Variants in MAP3K7CL observed in about 807,000 individuals in gnomAD.
MAP3K7CL encodes the protein MAP3K7 C-terminal like.
Under a neutral mutation model 18.6 loss-of-function variants are expected in MAP3K7CL, and 16 were observed. That is an observed-to-expected ratio of 0.86 (90% CI 0.58 to 1.31). The LOEUF is 1.31. Among genes scored for constraint, MAP3K7CL ranks in the 50% most tolerant of loss-of-function variants. MAP3K7CL has a pLI of 0.00. For synonymous variants in MAP3K7CL, 65 were observed against 66.8 expected, an observed-to-expected ratio of 0.97 and a Z score of 0.13; for missense variants, 163 against 174.4, an observed-to-expected ratio of 0.93 and a Z score of 0.37.
At chr21:29,144,979 A>G (rs2087094567) in intron 2 of MAP3K7CL, among the ~76,000 whole-genome samples, 1 of 152,192 alleles carries the variant, frequency 6.6e-6, no homozygotes, top group African/African-American at 2.4e-5. Context: ...GTCACATTGT[A>G]TTTGCCAAAC....
intron 2 of MAP3K7CL, among the ~76,000 whole-genome samples, chr21:29,141,744 T>C (rs1378042602): frequency 2.0e-5 from 3 of 152,174 alleles, no homozygotes; most frequent in Non-Finnish European, 4.4e-5. Flanking sequence ...TCTATAGCTA[T>C]ACTTGTAATC....
chr21:29,093,601 C>T (rs550203330), intron 4 of MAP3K7CL, among the ~76,000 whole-genome samples: 4 of 152,136 alleles, frequency 2.6e-5, no homozygotes. Context: ...CCTGCCTCAG[C>T]CTCCCGAGTA....
chr21:29,130,477 G>A (rs186036423), upstream of MAP3K7CL: 25 of 473,832 alleles, frequency 5.3e-5, no homozygotes, highest in African/African-American at 4.4e-4. Flanking sequence ...CACAGACACC[G>A]ATTGGGTCAC....
intron 4 of MAP3K7CL, among the ~76,000 whole-genome samples, chr21:29,167,446 G>A (rs759795305): frequency 6.6e-6 from 1 of 152,158 alleles, no homozygotes; most frequent in Non-Finnish European, 1.5e-5. Flanking sequence ...GGGTGCATAT[G>A]TAATTTGCAA....
chr21:29,103,744 A>G (rs2086273441), intron 4 of MAP3K7CL, among the ~76,000 whole-genome samples: 1 of 149,612 alleles, frequency 6.7e-6, no homozygotes, highest in Non-Finnish European at 1.5e-5. Flanking sequence ...CAAAAAAAAA[A>G]AAAATTAGCC....
intron 3 of MAP3K7CL, among the ~76,000 whole-genome samples, chr21:29,151,798 T>A (rs2087282451): frequency 6.6e-6 from 1 of 152,260 alleles, no homozygotes; most frequent in Non-Finnish European, 1.5e-5. Context: ...ACAGTAGCTC[T>A]GGCAATTATC....
At chr21:29,164,235 A>T (rs1165301690) in intron 4 of MAP3K7CL, among the ~76,000 whole-genome samples, 2 of 152,164 alleles carry the variant, frequency 1.3e-5, no homozygotes, top group African/African-American at 4.8e-5. Context: ...ACTGAAGTGG[A>T]AATTCATTTT....
chr21:29,172,842 C>T (rs1271018042), intron 4 of MAP3K7CL, among the ~76,000 whole-genome samples: 1 of 126,722 alleles, frequency 7.9e-6, no homozygotes, highest in Non-Finnish European at 1.6e-5. Flanking sequence ...CAACCCCCCC[C>T]TCCCCCCGCC....
chr21:29,094,001 A>G (rs2086076621), intron 4 of MAP3K7CL, among the ~76,000 whole-genome samples: 1 of 152,234 alleles, frequency 6.6e-6, no homozygotes, highest in African/African-American at 2.4e-5. Flanking sequence ...TTTATGTCAC[A>G]TTGTCATGTA....
chr21:29,124,535 A>T (rs2146600421), intron 4 of MAP3K7CL, among the ~76,000 whole-genome samples: 1 of 152,334 alleles, frequency 6.6e-6, no homozygotes, highest in East Asian at 1.9e-4. Flanking sequence ...GGCTACACAC[A>T]CATCACGTTA....
intron 3 of MAP3K7CL, 91 bp downstream of exon 3, chr21:29,149,341 G>A: frequency 1.8e-6 from 2 of 1,100,780 alleles, no homozygotes; most frequent in South Asian, 2.5e-5. Context: ...AGGGGAGACT[G>A]ACTTGGACCC....
intron 1 of MAP3K7CL, among the ~76,000 whole-genome samples, chr21:29,077,911 A>G (rs2085775634): frequency 6.6e-6 from 1 of 152,190 alleles, no homozygotes; most frequent in African/African-American, 2.4e-5. Context: ...GGAGAGCTAA[A>G]AGCCGTGAGG....
chr21:29,083,213 A>T (rs547263078), upstream of MAP3K7CL, among the ~76,000 whole-genome samples: 5 of 152,192 alleles, frequency 3.3e-5, no homozygotes, highest in Non-Finnish European at 7.3e-5. Context: ...ATTTGAGAAG[A>T]TAATTTCTAA....
intron 4 of MAP3K7CL, among the ~76,000 whole-genome samples, chr21:29,173,030 G>A (rs2087880673): frequency 6.6e-6 from 1 of 152,200 alleles, no homozygotes; most frequent in African/African-American, 2.4e-5. Context: ...AGTGATGAAA[G>A]AATGTAAGGA....
At chr21:29,112,627 A>C (rs2086438140) in intron 4 of MAP3K7CL, among the ~76,000 whole-genome samples, 1 of 151,556 alleles carries the variant, frequency 6.6e-6, no homozygotes, top group Non-Finnish European at 1.5e-5. Context: ...CTTGATAATT[A>C]GTATATTTTT....
intron 2 of MAP3K7CL, among the ~76,000 whole-genome samples, chr21:29,147,712 TTTGTA>T (rs1467883618): frequency 6.6e-6 from 1 of 151,868 alleles, no homozygotes; most frequent in Non-Finnish European, 1.5e-5. Flanking sequence ...TGTATGTGTA[TTTGTA>T]TTGTATATGT....
chr21:29,137,474 G>C lies in MAP3K7CL; in HGVS notation c.70+4060G>C, dbSNP rs372225077. ...TTGGAAGAGGTGATAGTCAAACTGG[G>C]CTTGAGGGCAGGTAGAGTATAGAGG... On this transcript the variant is annotated intron_variant, in intron 2 of 4. Coordinates refer to ENST00000399928, the MANE Select transcript of MAP3K7CL (RefSeq NM_001286620.2). Among the ~76,000 whole-genome samples, 7 of 152,140 alleles carry C rather than the reference G, an allele frequency of 4.6e-5. No individual in the cohort carries two copies. In the East Asian group the frequency reaches 9.6e-4, roughly 21 times the overall value.
intron 4 of MAP3K7CL, among the ~76,000 whole-genome samples, chr21:29,174,002 T>C (rs1180099916): frequency 6.6e-6 from 1 of 152,232 alleles, no homozygotes; most frequent in Non-Finnish European, 1.5e-5. Flanking sequence ...GCCCAACCTT[T>C]AGCTCCTTAT....
At chr21:29,106,372 A>G (rs748673262) in intron 4 of MAP3K7CL, among the ~76,000 whole-genome samples, 2 of 152,106 alleles carry the variant, frequency 1.3e-5, no homozygotes, top group Non-Finnish European at 2.9e-5. Flanking sequence ...TAGTAGAGAC[A>G]GAATTTCACC....
Sources: allele counts gnomAD v4.1 joint callset (sites outside exome capture counted in the v4.1 genomes callset), GRCh38; gene constraint gnomAD v4.1.1; transcripts MANE v1.5; gene names NCBI Gene and HGNC (gene_info 2026-07-23, HGNC 2026-07-21).